CAPZB: variants seen among roughly 807,000 people sequenced by gnomAD.
CAPZB encodes F-actin-capping protein subunit beta.
CAPZB carries 2 observed loss-of-function variants against 38.1 expected under a neutral mutation model. The observed-to-expected ratio is 0.05, with a 90% confidence interval of 0.02 to 0.17. The LOEUF (loss-of-function observed/expected upper bound fraction) is 0.17. CAPZB is among the 10% of genes least tolerant of loss of function. The pLI is 1.00. For missense variants in CAPZB, 161 were observed against 334.2 expected, an observed-to-expected ratio of 0.48 and a Z score of 4.04; for synonymous variants, 107 against 127.4, an observed-to-expected ratio of 0.84 and a Z score of 1.08.
intron 4 of CAPZB, among the ~76,000 whole-genome samples, chr1:19,358,223 C>G (rs939170614): frequency 6.6e-6 from 1 of 152,200 alleles, no homozygotes; most frequent in African/African-American, 2.4e-5. Flanking sequence ...CTGCAACCTC[C>G]GCCTCCCAGG....
chr1:19,438,427 A>G (rs2094465081), intron 1 of CAPZB, among the ~76,000 whole-genome samples: 2 of 152,182 alleles, frequency 1.3e-5, no homozygotes, highest in South Asian at 4.1e-4. Context: ...CCTGCTGCCA[A>G]ACAGATCTGG....
intron 2 of CAPZB, among the ~76,000 whole-genome samples, chr1:19,389,552 C>T (rs1207018319): frequency 6.6e-6 from 1 of 152,042 alleles, no homozygotes; most frequent in East Asian, 1.9e-4. Flanking sequence ...CTCAGCCTCC[C>T]GAGTAGCTGG....
At chr1:19,395,122 C>A (rs1389874642) in intron 2 of CAPZB, among the ~76,000 whole-genome samples, 1 of 152,210 alleles carries the variant, frequency 6.6e-6, no homozygotes, top group Non-Finnish European at 1.5e-5. Flanking sequence ...TTTCTACTTC[C>A]AGTGGATTTT....
At chr1:19,434,687 T>C (rs962167734) in intron 1 of CAPZB, among the ~76,000 whole-genome samples, 3 of 152,118 alleles carry the variant, frequency 2.0e-5, no homozygotes, top group African/African-American at 7.2e-5. Context: ...CCCAGCACTT[T>C]GGGAGGCCGA....
At position 19,354,646 on chromosome 1, in the gene CAPZB, A is replaced by G. The variant is rs374645781; in HGVS notation, c.588+1989T>C. Among the ~76,000 whole-genome samples the G allele has an allele frequency of 7.9e-5, 12 of 152,356 alleles. 1 individual carries two copies. The highest frequency in any genetic ancestry group is 1.3e-4 in the Admixed American group (2 of 15,306). ...GCCTGGGTTTAGCTTGGCAGGAGAC[A>G]CTGCTCACGGCAAGCCGGAACCAGA... is the stretch of plus-strand genomic sequence containing the variant. On this transcript the variant is annotated intron_variant, in intron 6 of 8. Transcript: ENST00000264202.
chr1:19,378,701 A>G lies in CAPZB; in HGVS notation c.216-48T>C, dbSNP rs376804161. The G allele has an allele frequency of 3.2e-5, 33 of 1,046,050 alleles. No homozygotes were observed. In the African/African-American group the frequency reaches 4.9e-4, roughly 15 times the overall value. 64.8% of individuals were successfully genotyped at this position (1,046,050 alleles called of 1,614,324 possible). ...ATATACCATGAATCGTTCCATGAAG[A>G]CACGGCCAGCGAGCAGGGAGCCTGA... On this transcript the variant is annotated intron_variant, in intron 3 of 8. Coordinates refer to ENST00000264202, the MANE Select transcript of CAPZB (RefSeq NM_004930.5).
intron 2 of CAPZB, among the ~76,000 whole-genome samples, chr1:19,418,138 A>AAG: frequency 2.2e-5 from 1 of 45,372 alleles, no homozygotes; most frequent in African/African-American, 7.7e-5. Flanking sequence ...TCTGTCACCA[A>AAG]AAAAAAAAAA....
At chr1:19,441,602 C>A (rs1002381768) in intron 1 of CAPZB, among the ~76,000 whole-genome samples, 1 of 151,408 alleles carries the variant, frequency 6.6e-6, no homozygotes, top group Non-Finnish European at 1.5e-5. Context: ...CTCAGAACTA[C>A]GGAACTGAAG....
intron 2 of CAPZB, among the ~76,000 whole-genome samples, chr1:19,397,829 A>AG (rs34032610): frequency 0.64 from 96,800 of 151,914 alleles, 31,297 homozygotes; most frequent in African/African-American, 0.74. Context: ...ATAAGAATGC[A>AG]GGGGGAAGCC....
chr1:19,439,234 T>G lies in CAPZB; in HGVS notation c.4-19484A>C, dbSNP rs114320020. Among the ~76,000 whole-genome samples, 932 of 152,332 alleles carry G rather than the reference T, an allele frequency of 6.1e-3. 15 individuals carry two copies. The highest frequency in any genetic ancestry group is 0.021 in the African/African-American group (885 of 41,572). ...AGAAAGGTGAGATAAAGCACAAGAC[T>G]GTCCCACTCTTGTAAATGTTCTATA... On this transcript the variant is annotated intron_variant, in intron 1 of 8. Transcript: ENST00000264202.
chr1:19,379,242 G>A (rs552181235), intron 3 of CAPZB, among the ~76,000 whole-genome samples: 3 of 152,096 alleles, frequency 2.0e-5, no homozygotes, highest in Non-Finnish European at 4.4e-5. Context: ...GGAATTGCAG[G>A]TGCAAGCCAC....
At chr1:19,392,034 T>C (rs1267546147) in intron 2 of CAPZB, among the ~76,000 whole-genome samples, 1 of 151,788 alleles carries the variant, frequency 6.6e-6, no homozygotes, top group Non-Finnish European at 1.5e-5. Flanking sequence ...TATACAAAAA[T>C]TAGCCAGGTG....
intron 8 of CAPZB, among the ~76,000 whole-genome samples, chr1:19,341,888 C>T (rs1310457281): frequency 1.3e-5 from 2 of 152,232 alleles, no homozygotes; most frequent in Admixed American, 1.3e-4. Flanking sequence ...AAGTCTGCTG[C>T]ACCCCTTCTG....
At chr1:19,465,883 T>C (rs567316954) in intron 1 of CAPZB, among the ~76,000 whole-genome samples, 1 of 152,260 alleles carries the variant, frequency 6.6e-6, no homozygotes, top group African/African-American at 2.4e-5. Flanking sequence ...ACCAACAACA[T>C]GTACGGAGCC....
At chr1:19,389,588 C>A (rs1435240539) in intron 2 of CAPZB, among the ~76,000 whole-genome samples, 1 of 152,008 alleles carries the variant, frequency 6.6e-6, no homozygotes, top group Non-Finnish European at 1.5e-5. Flanking sequence ...CCACCACGCC[C>A]AGCTAATTTT....
At chr1:19,368,575 C>G (rs1486297716) in intron 4 of CAPZB, among the ~76,000 whole-genome samples, 1 of 151,216 alleles carries the variant, frequency 6.6e-6, no homozygotes, top group Non-Finnish European at 1.5e-5. Context: ...CCGGGACATG[C>G]CCCGAGCACC....
chr1:19,405,616 A>T (rs1025118935), intron 2 of CAPZB, among the ~76,000 whole-genome samples: 1 of 150,642 alleles, frequency 6.6e-6, no homozygotes, highest in Non-Finnish European at 1.5e-5. Flanking sequence ...TCTCCTGAAG[A>T]GTTTTGTTCT....
intron 4 of CAPZB, among the ~76,000 whole-genome samples, chr1:19,378,174 GAGATGCTATGT>G (rs2094153132): frequency 6.6e-6 from 1 of 152,240 alleles, no homozygotes; most frequent in African/African-American, 2.4e-5. Flanking sequence ...GTGAGGATTT[GAGATGCTATGT>G]AGAAATACCT....
Position 19,357,687 on chromosome 1 carries a change from G to A in CAPZB, c.330-124C>T, listed in dbSNP as rs1289432723. The A allele has an allele frequency of 2.4e-5, 21 of 861,104 alleles. No homozygotes were observed. Among genetic ancestry groups the A allele is most frequent in the Middle Eastern group, 3.0e-4 (1 of 3,364 alleles). 53.3% of individuals were successfully genotyped at this position (861,104 alleles called of 1,614,324 possible). ...CCTCCCTGCGACAGTTATGGGAGCC[G>A]ATCCTTGGGTGTGTTCTGATCGTTC... On this transcript the variant is annotated intron_variant, in intron 4 of 8. Transcript: ENST00000264202. The surrounding 1 kb of genome is among the most constrained non-coding windows in gnomAD (Gnocchi z 4.3).
Sources: gnomAD v4.1 joint callset for allele counts (sites outside exome capture counted in the v4.1 genomes callset) on GRCh38, gnomAD v4.1.1 for gene constraint, Gnocchi (gnomAD v3.1) non-coding constraint, MANE v1.5 for transcripts, NCBI Gene and HGNC (gene_info 2026-07-23, HGNC 2026-07-21) for gene names.